Variants in DIP2A observed in about 807,000 individuals in gnomAD.
DIP2A encodes disco-interacting protein 2 homolog A.
A neutral mutation model predicts 177.4 loss-of-function variants in DIP2A; 85 were observed. The observed-to-expected ratio is 0.48, with a 90% confidence interval of 0.40 to 0.57. The LOEUF (loss-of-function observed/expected upper bound fraction) is 0.57, where lower values mean the gene tolerates loss of function less well. Among genes scored for constraint, DIP2A ranks in the 20% least tolerant of loss-of-function variants. DIP2A has a pLI of 0.00. For synonymous variants in DIP2A, 886 were observed against 881.8 expected (o/e 1.00, Z -0.08); for missense variants, 1,791 against 2,100.2 (o/e 0.85, Z 2.88).
At chr21:46,581,148 A>G in the DIP2A span, among the ~76,000 whole-genome samples, 2 of 151,986 alleles carry the variant, frequency 1.3e-5, no homozygotes, top group Non-Finnish European at 2.9e-5. Context: ...ATTCCTTTTC[A>G]TTCTTTTTTC....
rs796280317 is a variant in DIP2A at position 46,563,664 on chromosome 21, TTATTTC to T, written c.4090-189_4090-184del. On this transcript the variant is annotated intron_variant, in intron 34 of 37. Coordinates refer to ENST00000417564, the MANE Select transcript of DIP2A (RefSeq NM_015151.4). The surrounding 1 kb of genome is among the most constrained non-coding windows in gnomAD (Gnocchi z 4.3). ...TTCTCAGGAACTGGAGTCATTTTGC[TTATTTC>T]TATTAACATCTCTTATTTCTTTCAA... 141 of 1,057,828 alleles carry T rather than the reference TTATTTC, an allele frequency of 1.3e-4. No individual in the cohort carries two copies. In the African/African-American group the frequency reaches 2.1e-3, roughly 16 times the overall value. 65.5% of individuals were successfully genotyped at this position (1,057,828 alleles called of 1,614,324 possible). A position where few individuals can be genotyped will look rare whatever the true frequency, so the allele number is the denominator to read the frequency against.
At chr21:46,555,657 A>C in intron 28 of DIP2A, 1 of 340,718 alleles carries the variant, frequency 2.9e-6, no homozygotes, top group South Asian at 2.7e-5. Context: ...GCTTTGCCAT[A>C]GGCTCTGTGA....
chr21:46,582,139 G>A, the DIP2A span, among the ~76,000 whole-genome samples: 111 of 152,286 alleles, frequency 7.3e-4, 1 homozygote, highest in Non-Finnish European at 1.8e-4. Context: ...ACCTCTGGCT[G>A]GAGTTGCTGA....
Position 46,551,815 on chromosome 21 carries a change from C to G in DIP2A, c.2950-9C>G, listed in dbSNP as rs371373278. 9.3e-6 allele frequency: 15 copies of G among 1,612,756 alleles called. No homozygotes were observed. In the African/African-American group the frequency reaches 1.6e-4, roughly 17 times the overall value. On this transcript the variant is annotated splice_polypyrimidine_tract_variant and intron_variant, in intron 24 of 37. Transcript: ENST00000417564. The stretch of plus-strand genomic sequence containing the variant: ...GAGGCGCCAGTGAGCAAGTCGCCCT[C>G]TCGTGCAGTTCCTGTTCCTGGCTGA...
Position 46,498,171 on chromosome 21 carries a change from C to T in DIP2A, c.404-411C>T, listed in dbSNP as rs1044120787. On this transcript the variant is annotated intron_variant, in intron 4 of 37. Transcript: ENST00000417564. This position sits in a 1 kb window ranked among gnomAD's most constrained non-coding sequence, Gnocchi z 4.3. ...TCTCACTGCCTCCAAGATGTAGGGCCGGGCACAGGCTCTCCCCTGGGTGAT... is the reference window on the plus strand; with the variant it reads ...TCTCACTGCCTCCAAGATGTAGGGCTGGGCACAGGCTCTCCCCTGGGTGAT... Among the ~76,000 whole-genome samples the T allele has an allele frequency of 1.3e-5, 2 of 152,146 alleles. No individual in the cohort carries two copies. The highest frequency in any genetic ancestry group is 2.4e-5 in the African/African-American group (1 of 41,428).
intron 5 of DIP2A, among the ~76,000 whole-genome samples, chr21:46,503,135 C>T (rs370234236): frequency 2.4e-4 from 36 of 151,998 alleles, no homozygotes; most frequent in Admixed American, 2.4e-3. Context: ...CCAGCTTGGC[C>T]AATATGGTGA....
At chr21:46,503,274 G>A (rs1045865091) in intron 5 of DIP2A, among the ~76,000 whole-genome samples, 1 of 145,124 alleles carries the variant, frequency 6.9e-6, no homozygotes, top group African/African-American at 2.6e-5. Flanking sequence ...AGTGAGCCAA[G>A]ATTGTGCCAC....
chr21:46,575,068 C>T, the DIP2A span, among the ~76,000 whole-genome samples: 6 of 152,080 alleles, frequency 3.9e-5, no homozygotes, highest in African/African-American at 1.4e-4. Flanking sequence ...ATATTAAAAA[C>T]ACTATATAGC....
At chr21:46,464,968 A>G (rs1421664251) in intron 1 of DIP2A, among the ~76,000 whole-genome samples, 2 of 151,866 alleles carry the variant, frequency 1.3e-5, no homozygotes, top group Non-Finnish European at 2.9e-5. Context: ...TCTGAACACA[A>G]TTCAGAATTT....
Position 46,567,734 on chromosome 21 carries a change from T to TTCC in DIP2A, c.*112_*113insTCC, listed in dbSNP as rs1293930064. 7.6e-7 allele frequency: 1 copy of TTCC among 1,324,400 alleles called. No homozygotes were observed. Among genetic ancestry groups the TTCC allele is most frequent in the Non-Finnish European group, 1.0e-6 (1 of 982,658 alleles). The allele number at this position is 1,324,400 out of a possible 1,614,324, so 82.0% of individuals were successfully genotyped here. A position where few individuals can be genotyped will look rare whatever the true frequency, so the allele number is the denominator to read the frequency against. On this transcript the variant is annotated 3_prime_UTR_variant, in exon 38 of 38. Transcript: ENST00000417564. ...CCGGGACTCGCCCTTCCTGTGCTCT[T>TTCC]ACAGATCCCTCTCAACAATCCCCGC...
intron 1 of DIP2A, among the ~76,000 whole-genome samples, chr21:46,476,052 G>A (rs892923485): frequency 1.3e-4 from 20 of 148,850 alleles, no homozygotes; most frequent in African/African-American, 5.0e-4. Flanking sequence ...TGGCTAACAT[G>A]GTGAAACCCC....
At chr21:46,512,949 T>G (rs1338354511) in intron 8 of DIP2A, among the ~76,000 whole-genome samples, 4 of 152,184 alleles carry the variant, frequency 2.6e-5, no homozygotes, top group South Asian at 2.1e-4. Context: ...TGTGAGCCAC[T>G]GCACCTGGCC....
Position 46,567,611 on chromosome 21 carries a change from TACA to T in DIP2A, c.4709_4711del (p.Asn1570del), listed in dbSNP as rs1360124160. The T allele has an allele frequency of 6.3e-7, 1 of 1,599,200 alleles. No individual in the cohort carries two copies. Among genetic ancestry groups the T allele is most frequent in the Non-Finnish European group, 8.5e-7 (1 of 1,171,764 alleles). ...CCAGCTGGACCCCATCTATGTCGCCTACAACATGTGAGCGCAGCACACCGGCCC... is the reference window on the plus strand; with the variant it reads ...CCAGCTGGACCCCATCTATGTCGCCTACATGTGAGCGCAGCACACCGGCCC... On this transcript the variant is annotated inframe_deletion, in exon 38 of 38. Coordinates refer to ENST00000417564, the MANE Select transcript of DIP2A (RefSeq NM_015151.4).
chr21:46,522,933 T>A (rs560289869), intron 8 of DIP2A, among the ~76,000 whole-genome samples: 161 of 151,124 alleles, frequency 1.1e-3, no homozygotes, highest in African/African-American at 1.5e-3. Flanking sequence ...TTTAAAAAAA[T>A]TTTTTTTTTG....
chr21:46,507,955 A>G (rs2058103314), intron 6 of DIP2A, among the ~76,000 whole-genome samples: 7 of 151,788 alleles, frequency 4.6e-5, no homozygotes, highest in Admixed American at 4.6e-4. Context: ...CCTGTTGGCC[A>G]GGCTAGTCTA....
chr21:46,535,937 T>A (rs1448489280), intron 13 of DIP2A, among the ~76,000 whole-genome samples: 1 of 152,114 alleles, frequency 6.6e-6, no homozygotes, highest in Non-Finnish European at 1.5e-5. Context: ...CATGGTGACC[T>A]TCTAGGAGTG....
the DIP2A span, among the ~76,000 whole-genome samples, chr21:46,578,284 C>T: frequency 6.6e-6 from 1 of 152,170 alleles, no homozygotes; most frequent in African/African-American, 2.4e-5. Flanking sequence ...TGCACTCCAG[C>T]CTGGCAACAG....
rs16979371 is a variant in DIP2A at position 46,554,142 on chromosome 21, A to G, written c.3031-27A>G. The G allele has an allele frequency of 9.6e-3, 15,444 of 1,609,200 alleles. 1,166 individuals carry two copies. In the African/African-American group the frequency reaches 0.17, roughly 18 times the overall value. ...AGCCCACCTGCACGCACCAGCATAC[A>G]GATGAGCTCAAAGATCGCTTTCCTA... On this transcript the variant is annotated intron_variant, in intron 25 of 37. Transcript: ENST00000417564.
chr21:46,485,841 G>A (rs1601446546), intron 2 of DIP2A, among the ~76,000 whole-genome samples: 1 of 152,130 alleles, frequency 6.6e-6, no homozygotes, highest in East Asian at 1.9e-4. Context: ...GGGAGGCTGA[G>A]GTGGGGGGAT....
Sources: allele counts gnomAD v4.1 joint callset (sites outside exome capture counted in the v4.1 genomes callset), GRCh38; gene constraint gnomAD v4.1.1; non-coding constraint Gnocchi (gnomAD v3.1); transcripts MANE v1.5; gene names NCBI Gene and HGNC (gene_info 2026-07-23, HGNC 2026-07-21).